Variants in TIAM2 observed in about 807,000 individuals in gnomAD.
TIAM2 encodes the protein rho guanine nucleotide exchange factor TIAM2.
A neutral mutation model predicts 152.9 loss-of-function variants in TIAM2; 80 were observed. The ratio of observed to expected loss-of-function variants is 0.52; its 90% confidence interval spans 0.44 to 0.63. The LOEUF is 0.63. Among genes scored for constraint, TIAM2 ranks in the 30% least tolerant of loss-of-function variants. The pLI is 0.00. For missense variants in TIAM2, 1,965 were observed against 2,120.1 expected, an observed-to-expected ratio of 0.93 and a Z score of 1.44; for synonymous variants, 804 against 838.0, an observed-to-expected ratio of 0.96 and a Z score of 0.70.
At chr6:155,198,666 CAAAAAAAAAA>C in intron 14 of TIAM2, among the ~76,000 whole-genome samples, 1 of 70,318 alleles carries the variant, frequency 1.4e-5, no homozygotes, top group Non-Finnish European at 2.5e-5. Context: ...GAGCAAATCT[CAAAAAAAAAA>C]AAAAAAAAAA....
In TIAM2 at chr6:155,254,518, G is replaced by A. The variant is rs771515345; in HGVS notation, c.4413G>A (p.Thr1471=). The stretch of plus-strand genomic sequence containing the variant: ...AGTGTGAATTACCACTGGAGAAAAC[G>A]TGTAAGGATCGCCTGGTACCTCTTA... The part of the protein sequence containing the change: ...HIKCELPLEK[T]CKDRLVPLKN... The change falls in exon 26 of 27, where the codon ACG becomes ACA. Residue 1471 remains threonine, a synonymous_variant. Coordinates refer to ENST00000682666, the MANE Select transcript of TIAM2 (RefSeq NM_012454.4). The A allele has an allele frequency of 3.7e-6, 6 of 1,614,160 alleles. No individual in the cohort carries two copies. Among genetic ancestry groups the A allele is most frequent in the East Asian group, 4.5e-5 (2 of 44,890 alleles).
At chr6:155,189,581 C>G (rs933990887) in intron 14 of TIAM2, among the ~76,000 whole-genome samples, 19 of 152,060 alleles carry the variant, frequency 1.2e-4, no homozygotes, top group African/African-American at 4.3e-4. Context: ...TTTTCTTATT[C>G]TCAGTCATTT....
At chr6:155,151,087 T>C (rs1403189641) in intron 7 of TIAM2, among the ~76,000 whole-genome samples, 2 of 152,164 alleles carry the variant, frequency 1.3e-5, no homozygotes, top group South Asian at 4.2e-4. Context: ...GGGAATAGCT[T>C]CCCCTGGTAT....
At position 155,174,043 on chromosome 6, in the gene TIAM2, C is replaced by G. The variant is rs940946948; in HGVS notation, c.2362-2773C>G. ...CCTGAGCCATTCTGTTCAATGGGAA[C>G]ATGGTGTGTGGCTTAGAATAATGGA... On this transcript the variant is annotated intron_variant, in intron 9 of 26. Transcript: ENST00000682666. The surrounding 1 kb of genome is among the most constrained non-coding windows in gnomAD (Gnocchi z 4.2). Among the ~76,000 whole-genome samples, 5 of 152,178 alleles carry G rather than the reference C, an allele frequency of 3.3e-5. No homozygotes were observed. The highest frequency in any genetic ancestry group is 1.2e-4 in the African/African-American group (5 of 41,436).
intron 14 of TIAM2, among the ~76,000 whole-genome samples, chr6:155,201,816 C>T (rs1321954116): frequency 6.6e-6 from 1 of 152,216 alleles, no homozygotes; most frequent in African/African-American, 2.4e-5. Flanking sequence ...GAAACATTTA[C>T]TACCAGCATT....
chr6:155,140,958 G>T (rs1779688804), intron 5 of TIAM2, among the ~76,000 whole-genome samples: 1 of 152,178 alleles, frequency 6.6e-6, no homozygotes. Context: ...AACTCAGGCA[G>T]ATATCACTTA....
At chr6:155,163,725 C>T (rs984494182) in intron 7 of TIAM2, among the ~76,000 whole-genome samples, 1 of 152,166 alleles carries the variant, frequency 6.6e-6, no homozygotes, top group African/African-American at 2.4e-5. Flanking sequence ...TGTTTGTGTG[C>T]AGTTCAGTTA....
intron 1 of TIAM2, among the ~76,000 whole-genome samples, chr6:155,086,690 G>T (rs77404405): frequency 3.8e-4 from 52 of 138,574 alleles, no homozygotes; most frequent in Middle Eastern, 3.7e-3. Flanking sequence ...CTGGGCAACA[G>T]AGTGAGGCTC....
chr6:155,142,633 A>G (rs1779735785), intron 5 of TIAM2, among the ~76,000 whole-genome samples: 1 of 152,226 alleles, frequency 6.6e-6, no homozygotes, highest in Admixed American at 6.5e-5. Context: ...GACTTGGTTT[A>G]TAGTTTAACT....
chr6:155,090,697 C>G (rs927804117), intron 2 of TIAM2, among the ~76,000 whole-genome samples: 2 of 152,086 alleles, frequency 1.3e-5, no homozygotes, highest in African/African-American at 4.8e-5. Flanking sequence ...GCTTTAGTTT[C>G]CGTCCTTTTA....
In TIAM2 at chr6:155,257,145, T is replaced by TAA. The variant is rs1562380624; in HGVS notation, c.*26_*27dup. The stretch of plus-strand genomic sequence containing the variant: ...AGTATGATTCAATCCAGATATGGGT[T>TAA]AAATTCCTCATTTTACTTTTAAACT... On this transcript the variant is annotated 3_prime_UTR_variant, in exon 27 of 27. Transcript: ENST00000682666. 6.3e-7 allele frequency: 1 copy of TAA among 1,584,422 alleles called. No homozygotes were observed. Among genetic ancestry groups the TAA allele is most frequent in the Admixed American group, 1.7e-5 (1 of 58,498 alleles).
chr6:155,234,444 T>G (rs1352632731), intron 15 of TIAM2, among the ~76,000 whole-genome samples: 1 of 152,270 alleles, frequency 6.6e-6, no homozygotes, highest in Non-Finnish European at 1.5e-5. Flanking sequence ...AATCTTTTTA[T>G]CTTTTGTAAA....
chr6:155,025,304 CT>C (rs1353691953), intron 1 of TIAM2, among the ~76,000 whole-genome samples: 1 of 151,934 alleles, frequency 6.6e-6, no homozygotes, highest in Non-Finnish European at 1.5e-5. Context: ...CGCCATTCTC[CT>C]GCCTCAGCCT....
intron 21 of TIAM2, among the ~76,000 whole-genome samples, chr6:155,250,325 G>A (rs1356333270): frequency 6.7e-6 from 1 of 148,438 alleles, no homozygotes; most frequent in Non-Finnish European, 1.5e-5. Context: ...TCAAATATTG[G>A]TGGTTACCTG....
At chr6:155,059,505 C>G (rs1422406208) in intron 1 of TIAM2, among the ~76,000 whole-genome samples, 1 of 151,914 alleles carries the variant, frequency 6.6e-6, no homozygotes, top group Non-Finnish European at 1.5e-5. Flanking sequence ...TAGCCGAGAT[C>G]GGGTTTCGCC....
At chr6:155,104,781 A>T (rs1394616088) in intron 2 of TIAM2, among the ~76,000 whole-genome samples, 2 of 151,984 alleles carry the variant, frequency 1.3e-5, no homozygotes, top group Non-Finnish European at 2.9e-5. Flanking sequence ...ATTATAAAGC[A>T]TACCTTCAAG....
intron 1 of TIAM2, among the ~76,000 whole-genome samples, chr6:155,036,376 A>G (rs1160739827): frequency 6.6e-6 from 1 of 151,866 alleles, no homozygotes; most frequent in Non-Finnish European, 1.5e-5. Flanking sequence ...TACCAAAAAT[A>G]CAAAAAAATT....
intron 17 of TIAM2, 48 bp from the exon 18 acceptor site, chr6:155,244,610 T>C (rs6907595): frequency 0.38 from 613,657 of 1,596,428 alleles, 123,936 homozygotes; most frequent in Middle Eastern, 0.49. Context: ...CGTGGTGTCC[T>C]GAACTTCATG....
rs371465472 is a variant in TIAM2, at chr6:155,223,885, C to T, written c.3168+12578C>T. Among the ~76,000 whole-genome samples, 4 of 152,212 alleles carry T rather than the reference C, an allele frequency of 2.6e-5. No homozygotes were observed. In the South Asian group the frequency reaches 6.2e-4, roughly 24 times the overall value. On this transcript the variant is annotated intron_variant, in intron 15 of 26. Transcript: ENST00000682666. ...AGCAAATTAGCTAAGCCCTTGTTGT[C>T]GTTCGCCCTTTTTCTTTTAAAGAAG...
Sources: allele counts gnomAD v4.1 joint callset (sites outside exome capture counted in the v4.1 genomes callset), GRCh38; gene constraint gnomAD v4.1.1; non-coding constraint Gnocchi (gnomAD v3.1); transcripts MANE v1.5; gene names NCBI Gene and HGNC (gene_info 2026-07-23, HGNC 2026-07-21).